TBC1D31: variants seen among roughly 807,000 people sequenced by gnomAD.
TBC1D31 encodes the protein WD repeat domain 67.
Under a neutral mutation model 132.9 loss-of-function variants are expected in TBC1D31, and 99 were observed. That is an observed-to-expected ratio of 0.74 (90% CI 0.63 to 0.88). TBC1D31 has a LOEUF of 0.88. TBC1D31 is among the 40% of genes least tolerant of loss of function. The pLI, the probability that TBC1D31 is intolerant of heterozygous loss-of-function variation, is 0.00. For synonymous variants in TBC1D31, 385 were observed against 419.4 expected (o/e 0.92, Z 1.00); for missense variants, 1,134 against 1,256.6 (o/e 0.90, Z 1.48).
At chr8:123,078,304 TCTCA>T (rs1287820961) in intron 2 of TBC1D31, among the ~76,000 whole-genome samples, 2 of 152,138 alleles carry the variant, frequency 1.3e-5, no homozygotes, top group Non-Finnish European at 2.9e-5. Flanking sequence ...GGGCCAAGTT[TCTCA>T]CTCTTAGAAA....
chr8:123,148,903 C>T (rs1301924716), intron 20 of TBC1D31, among the ~76,000 whole-genome samples: 4 of 151,968 alleles, frequency 2.6e-5, no homozygotes, highest in East Asian at 1.9e-4. Flanking sequence ...TAAAAATAGC[C>T]GGGCATGGTG....
rs571847762 is a variant in TBC1D31, at chr8:123,100,299, C to A, written c.832-508C>A. ...AAAATAGGTAATATCAGGCCAGGTGCAGTGGCTCATGCCTGTCTGTAATCC... is the reference window on the plus strand; with the variant it reads ...AAAATAGGTAATATCAGGCCAGGTGAAGTGGCTCATGCCTGTCTGTAATCC... On this transcript the variant is annotated intron_variant, in intron 6 of 21. Transcript: ENST00000287380. Among the ~76,000 whole-genome samples the A allele has an allele frequency of 6.6e-5, 10 of 152,196 alleles. No homozygotes were observed. In the South Asian group the frequency reaches 1.0e-3, roughly 16 times the overall value.
chr8:123,080,641 ATTC>A (rs1815051333), intron 2 of TBC1D31, among the ~76,000 whole-genome samples: 1 of 142,480 alleles, frequency 7.0e-6, no homozygotes, highest in Admixed American at 7.6e-5. Flanking sequence ...GGTTTAAGCA[ATTC>A]TTCTGCCTCA....
chr8:123,095,640 T>C (rs1816768837), intron 5 of TBC1D31, among the ~76,000 whole-genome samples: 1 of 152,214 alleles, frequency 6.6e-6, no homozygotes, highest in Non-Finnish European at 1.5e-5. Flanking sequence ...CTTTGACTAA[T>C]AGGATCCTCT....
intron 4 of TBC1D31, among the ~76,000 whole-genome samples, chr8:123,085,088 C>CTG (rs1296671944): frequency 6.6e-6 from 1 of 152,138 alleles, no homozygotes; most frequent in Non-Finnish European, 1.5e-5. Context: ...CCATGCCCAG[C>CTG]TGTGTGTGTG....
intron 1 of TBC1D31, 85 bp downstream of exon 1, chr8:123,072,931 G>C (rs1814055561): frequency 7.2e-7 from 1 of 1,389,478 alleles, no homozygotes; most frequent in Non-Finnish European, 9.9e-7. Flanking sequence ...CAGCGTTCCG[G>C]GTTCTGGCTC....
rs1363879776 is a variant in TBC1D31, at chr8:123,072,734, C to A, written c.-36C>A. ...GCCGGGAAGGCGCTGGGACGGTTAC[C>A]CAGCGGGCCGCCGGCGGTCGTGGGC... On this transcript the variant is annotated 5_prime_UTR_variant, in exon 1 of 22. Coordinates refer to ENST00000287380, the MANE Select transcript of TBC1D31 (RefSeq NM_145647.4). 1 of 1,549,300 alleles carries A rather than the reference C, an allele frequency of 6.5e-7. No homozygotes were observed. The highest frequency in any genetic ancestry group is 8.7e-7 in the Non-Finnish European group (1 of 1,146,074).
chr8:123,156,694 G>A (rs761467388), downstream of TBC1D31, among the ~76,000 whole-genome samples: 2 of 152,134 alleles, frequency 1.3e-5, no homozygotes, highest in Non-Finnish European at 2.9e-5. Flanking sequence ...GCAGCTGCCT[G>A]CATGAGCTCC....
chr8:123,078,809 T>A (rs775756789), intron 2 of TBC1D31, among the ~76,000 whole-genome samples: 2 of 152,028 alleles, frequency 1.3e-5, no homozygotes, highest in East Asian at 3.8e-4. Flanking sequence ...TACAAACAGT[T>A]TAGTAAGGCA....
chr8:123,157,299 A>C, the TBC1D31 span, among the ~76,000 whole-genome samples: 1 of 152,156 alleles, frequency 6.6e-6, no homozygotes, highest in African/African-American at 2.4e-5. Context: ...TGCGCTAACG[A>C]GGCACCTAGT....
chr8:123,092,797 A>G (rs1037796208), intron 4 of TBC1D31, among the ~76,000 whole-genome samples: 1 of 136,652 alleles, frequency 7.3e-6, no homozygotes, highest in African/African-American at 3.0e-5. Context: ...CTACAGGCAC[A>G]CACCCGGCTA....
chr8:123,092,939 G>A (rs1000616075), intron 4 of TBC1D31, among the ~76,000 whole-genome samples: 31 of 151,170 alleles, frequency 2.1e-4, no homozygotes, highest in Admixed American at 1.9e-3. Context: ...AGCCTCCCAA[G>A]TAGCAGGGAC....
intron 17 of TBC1D31, 80 bp downstream of exon 17, chr8:123,134,286 T>C (rs757126450): frequency 2.1e-5 from 23 of 1,104,850 alleles, no homozygotes; most frequent in African/African-American, 3.1e-5. Context: ...CCCAGCACTT[T>C]GGGAGGATGA....
the TBC1D31 span, among the ~76,000 whole-genome samples, chr8:123,163,168 A>G: frequency 1.3e-5 from 2 of 151,148 alleles, no homozygotes; most frequent in African/African-American, 4.9e-5. Context: ...TTTTATATAT[A>G]CTCGGCCTCC....
rs146455533 is a variant in TBC1D31 at position 123,150,891 on chromosome 8, A to T, written c.3067+763A>T. ...TGCCATATAGATGAAGCAGTATTTAACAAGATCTTTTGACTTCTTTTGGAA... is the reference window on the plus strand; with the variant it reads ...TGCCATATAGATGAAGCAGTATTTATCAAGATCTTTTGACTTCTTTTGGAA... On this transcript the variant is annotated intron_variant, in intron 21 of 21. Transcript: ENST00000287380. Among the ~76,000 whole-genome samples, 34 of 152,374 alleles carry T rather than the reference A, an allele frequency of 2.2e-4. 1 individual carries two copies. The East Asian group carries it at 5.6e-3, about 25-fold the overall frequency.
At chr8:123,102,400 T>C (rs996577286) in intron 7 of TBC1D31, 1 of 360,626 alleles carries the variant, frequency 2.8e-6, no homozygotes, top group Non-Finnish European at 5.4e-6. Context: ...CTCCTTTTTG[T>C]TTTATCTTTT....
At chr8:123,097,222 G>A (rs546388686) in intron 5 of TBC1D31, 60 bp from the exon 6 acceptor site, 19 of 1,577,370 alleles carry the variant, frequency 1.2e-5, no homozygotes, top group African/African-American at 4.1e-5. Context: ...AAGTTCTGTC[G>A]GACAGTGCTG....
chr8:123,152,971 A>G (rs189799240), downstream of TBC1D31, among the ~76,000 whole-genome samples: 162 of 152,356 alleles, frequency 1.1e-3, no homozygotes, highest in African/African-American at 3.8e-3. Flanking sequence ...TGGGGCCACG[A>G]AGCATAATCT....
In TBC1D31 at chr8:123,126,158, A is replaced by G. The variant is rs1820005921; in HGVS notation, c.1673A>G (p.Gln558Arg). The change falls in exon 12 of 22, where the codon CAA becomes CGA. Residue 558 changes from glutamine (Q) to arginine (R), a missense_variant. Gln to Arg is a conservative substitution (Grantham distance 43). Transcript: ENST00000287380. Reference protein sequence around the residue: ...VLAFHDKELLQHFIDHDITSQ... With the variant: ...VLAFHDKELLRHFIDHDITSQ... The stretch of plus-strand genomic sequence containing the variant: ...GCATTTCATGACAAGGAACTGCTGC[A>G]ACACTTCATAGATCATGATATAACC... 3.7e-6 allele frequency: 6 copies of G among 1,612,490 alleles called. No individual in the cohort carries two copies. The highest frequency in any genetic ancestry group is 5.1e-6 in the Non-Finnish European group (6 of 1,179,406).
Sources: allele counts gnomAD v4.1 joint callset (sites outside exome capture counted in the v4.1 genomes callset), GRCh38; gene constraint gnomAD v4.1.1; transcripts MANE v1.5; gene names NCBI Gene and HGNC (gene_info 2026-07-23, HGNC 2026-07-21).